ZNF763: variants seen among roughly 807,000 people sequenced by gnomAD.
The protein encoded by ZNF763 is zinc finger protein 763.
Under a neutral mutation model 38.0 loss-of-function variants are expected in ZNF763, and 33 were observed. The observed-to-expected ratio is 0.87, with a 90% confidence interval of 0.66 to 1.16. The LOEUF is 1.16. ZNF763 is among the 50% of genes most tolerant of loss of function. The pLI is 0.00. For missense variants in ZNF763, 423 were observed against 469.1 expected (o/e 0.90, Z 0.91); for synonymous variants, 155 against 160.1 (o/e 0.97, Z 0.24).
chr19:11,976,949 G>A (rs1446923421), intron 1 of ZNF763, 89 bp from the exon 2 acceptor site: 2 of 1,575,344 alleles, frequency 1.3e-6, no homozygotes, highest in Non-Finnish European at 1.7e-6. Context: ...TAAATGTTTG[G>A]AGTCCACGGC....
In ZNF763 at chr19:11,978,604, C is replaced by T. The variant is rs748528177; in HGVS notation, c.680C>T (p.Pro227Leu). ...IHERTHTGEK[P>L]YECKQCVKSF... is the part of the protein sequence containing the mutation. ...GAAAGAACTCACACTGGAGAGAAAC[C>T]GTATGAATGTAAACAATGTGTTAAA... The change falls in exon 4 of 4, where the codon CCG becomes CTG. Residue 227 changes from proline to leucine, a missense_variant. By Grantham distance (98) the Pro-to-Leu change is moderately conservative. Transcript: ENST00000358987. 2.7e-5 allele frequency: 43 copies of T among 1,614,014 alleles called. No individual in the cohort carries two copies. Among genetic ancestry groups the T allele is most frequent in the Non-Finnish European group, 3.3e-5 (39 of 1,180,028 alleles).
At position 11,978,796 on chromosome 19, in the gene ZNF763, A is replaced by G. The variant is rs1973554944; in HGVS notation, c.872A>G (p.Lys291Arg). ...GKPYECKQCG[K>R]SFSWCHSFQI... ...CCATATGAATGTAAACAATGTGGCA[A>G]ATCCTTCAGTTGGTGTCATTCCTTT... The change falls in exon 4 of 4, where the codon AAA becomes AGA. Residue 291 changes from lysine (K) to arginine (R), a missense_variant. Coordinates refer to ENST00000358987, the MANE Select transcript of ZNF763 (RefSeq NM_001367172.2). 5 of 1,614,186 alleles carry G rather than the reference A, an allele frequency of 3.1e-6. No homozygotes were observed. The highest frequency in any genetic ancestry group is 4.2e-6 in the Non-Finnish European group (5 of 1,180,010).
At chr19:11,971,811 C>T (rs1470971215) in intron 1 of ZNF763, among the ~76,000 whole-genome samples, 1 of 152,094 alleles carries the variant, frequency 6.6e-6, no homozygotes, top group Non-Finnish European at 1.5e-5. Context: ...CGCCTCTAAT[C>T]CCAACACTTT....
At chr19:11,972,925 C>CAA (rs34554548) in intron 1 of ZNF763, among the ~76,000 whole-genome samples, 2 of 130,898 alleles carry the variant, frequency 1.5e-5, no homozygotes, top group African/African-American at 2.7e-5. Context: ...GACCCTGTTT[C>CAA]AAAAAAAAAA....
intron 1 of ZNF763, among the ~76,000 whole-genome samples, chr19:11,972,178 A>G (rs1204580291): frequency 6.6e-6 from 1 of 152,118 alleles, no homozygotes; most frequent in Non-Finnish European, 1.5e-5. Flanking sequence ...CCAGCTACTC[A>G]GGAGGCTGAG....
rs751009173 is a variant in ZNF763, at chr19:11,977,373, A to T, written c.133A>T (p.Lys45Ter). The T allele has an allele frequency of 1.4e-5, 23 of 1,613,412 alleles. No individual in the cohort carries two copies. Among genetic ancestry groups the T allele is most frequent in the African/African-American group, 4.0e-5 (3 of 74,890 alleles). The change falls in exon 3 of 4, where the codon AAA becomes TAA. Residue 45 changes from lysine (K) to a stop codon, truncating the protein, a stop_gained and splice_region_variant. Coordinates refer to ENST00000358987, the MANE Select transcript of ZNF763 (RefSeq NM_001367172.2). LOFTEE classifies it high-confidence loss of function. ...ACTTTTCTGTGTCTGTATTTTAGGG[A>T]AAAAGTGGAAAGACCAGAACATTGA... ...ETFRNLTSIG[K>*]KWKDQNIEYE...
intron 1 of ZNF763, among the ~76,000 whole-genome samples, chr19:11,974,056 C>CCTTCTTTCTTTCT (rs1420316737): frequency 6.7e-6 from 1 of 148,580 alleles, no homozygotes; most frequent in Admixed American, 6.6e-5. Context: ...TTCTTTCTTT[C>CCTTCTTTCTTTCT]TTTCCTTCTT....
At position 11,965,167 on chromosome 19, in the gene ZNF763, A is replaced by G; in HGVS notation, c.-42A>G. Reference sequence around the variant, plus strand: ...CTGCGCTGTGCCCTTCTGTAGTCACAGGAGCTGTAGAGAGGACCCCAGGAC... The same window carrying G: ...CTGCGCTGTGCCCTTCTGTAGTCACGGGAGCTGTAGAGAGGACCCCAGGAC... On this transcript the variant is annotated 5_prime_UTR_variant, in exon 1 of 4. Transcript: ENST00000358987. 1 of 1,613,598 alleles carries G rather than the reference A, an allele frequency of 6.2e-7. No individual in the cohort carries two copies. The highest frequency in any genetic ancestry group is 8.5e-7 in the Non-Finnish European group (1 of 1,179,630).
intron 1 of ZNF763, among the ~76,000 whole-genome samples, chr19:11,965,979 G>A (rs1028859870): frequency 6.6e-6 from 1 of 152,152 alleles, no homozygotes; most frequent in African/African-American, 2.4e-5. Context: ...GATTGAGAGT[G>A]TGAAGTTTGT....
chr19:11,968,623 A>T (rs997984874), intron 1 of ZNF763, among the ~76,000 whole-genome samples: 1 of 152,086 alleles, frequency 6.6e-6, no homozygotes, highest in African/African-American at 2.4e-5. Flanking sequence ...TTTCCTTTTC[A>T]ATTTAAAAAA....
intron 1 of ZNF763, among the ~76,000 whole-genome samples, chr19:11,973,471 T>C (rs2145334231): frequency 6.6e-6 from 1 of 152,302 alleles, no homozygotes; most frequent in South Asian, 2.1e-4. Context: ...CACCTCAGCT[T>C]CCCAGAGTGC....
chr19:11,974,542 A>G (rs1353371273), intron 1 of ZNF763, among the ~76,000 whole-genome samples: 1 of 137,276 alleles, frequency 7.3e-6, no homozygotes, highest in Non-Finnish European at 1.5e-5. Flanking sequence ...GCATCCCGTC[A>G]TATGTTTGTT....
intron 1 of ZNF763, among the ~76,000 whole-genome samples, chr19:11,965,929 A>C (rs190431716): frequency 2.0e-5 from 3 of 152,284 alleles, no homozygotes; most frequent in Admixed American, 2.0e-4. Context: ...AAGGGGGGTT[A>C]GAAGGCACAG....
At chr19:11,969,858 T>C (rs908431936) in intron 1 of ZNF763, among the ~76,000 whole-genome samples, 15 of 152,194 alleles carry the variant, frequency 9.9e-5, no homozygotes, top group African/African-American at 3.6e-4. Context: ...CAGGATGTCT[T>C]TGGGATGAGG....
Position 11,965,070 on chromosome 19 carries a change from T to C in ZNF763, c.-139T>C, listed in dbSNP as rs1483831991. ...CTCACCTTTGTCCTTGCGCAGCCGG[T>C]GGTTGATATCCGCTGTATCCATCCC... On this transcript the variant is annotated 5_prime_UTR_variant, in exon 1 of 4. Coordinates refer to ENST00000358987, the MANE Select transcript of ZNF763 (RefSeq NM_001367172.2). 16 of 1,050,054 alleles carry C rather than the reference T, an allele frequency of 1.5e-5. No homozygotes were observed. The highest frequency in any genetic ancestry group is 2.7e-5 in the East Asian group (1 of 36,490). 65.0% of individuals were successfully genotyped at this position (1,050,054 alleles called of 1,614,324 possible).
chr19:11,979,847 C>A lies in ZNF763; in HGVS notation c.*738C>A, dbSNP rs114419819. 25,660 of 1,521,204 alleles carry A rather than the reference C, an allele frequency of 0.017. 263 individuals are homozygous for A. Among genetic ancestry groups the A allele is most frequent in the South Asian group, 0.024 (2,114 of 89,094 alleles). 94.2% of individuals were successfully genotyped at this position (1,521,204 alleles called of 1,614,324 possible). On this transcript the variant is annotated 3_prime_UTR_variant, in exon 4 of 4. Transcript: ENST00000358987. ...CAGATCTGCCAAGAACCTTCGAATT[C>A]ATGAAAGGACACAAACACACGTAAG...
chr19:11,970,053 T>G (rs1277067311), intron 1 of ZNF763, among the ~76,000 whole-genome samples: 4 of 152,162 alleles, frequency 2.6e-5, no homozygotes, highest in Non-Finnish European at 5.9e-5. Context: ...GCTGAATGCC[T>G]TATGGTGGAG....
intron 1 of ZNF763, among the ~76,000 whole-genome samples, chr19:11,975,728 G>A (rs1214677037): frequency 6.6e-6 from 1 of 152,146 alleles, no homozygotes; most frequent in Non-Finnish European, 1.5e-5. Context: ...CATTGTATGT[G>A]TATGCTTACT....
rs199661683 is a variant in ZNF763, at chr19:11,974,069, TTTTCTTTCTTTCTTTCTTTCTTTCTTTC to T, written c.4-2937_4-2910del. Among the ~76,000 whole-genome samples the T allele has an allele frequency of 3.4e-3, 392 of 114,846 alleles. 2 individuals are homozygous for T. Among genetic ancestry groups the T allele is most frequent in the African/African-American group, 0.012 (367 of 31,060 alleles). 75.3% of individuals were successfully genotyped at this position (114,846 alleles called of 152,430 possible). On this transcript the variant is annotated intron_variant, in intron 1 of 3. Coordinates refer to ENST00000358987, the MANE Select transcript of ZNF763 (RefSeq NM_001367172.2). ...CTTTCTTTCTTTCTTTCCTTCTTTC[TTTTCTTTCTTTCTTTCTTTCTTTCTTTC>T]TTTCTTTCTTTCTTTCTTTCTTTCT...
Sources: allele counts gnomAD v4.1 joint callset (sites outside exome capture counted in the v4.1 genomes callset), GRCh38; gene constraint gnomAD v4.1.1; transcripts MANE v1.5; gene names NCBI Gene and HGNC (gene_info 2026-07-23, HGNC 2026-07-21).